Variants in GSE1 observed in about 807,000 individuals in gnomAD.
GSE1 encodes genetic suppressor element 1.
GSE1 carries 32 observed loss-of-function variants against 112.6 expected under a neutral mutation model. The ratio of observed to expected loss-of-function variants is 0.28; its 90% CI spans 0.21 to 0.38. The LOEUF (loss-of-function observed/expected upper bound fraction) is 0.38, where lower values mean the gene tolerates loss of function less well. Among genes scored for constraint, GSE1 ranks in the 10% least tolerant of loss-of-function variants. The probability of loss-of-function intolerance (pLI) is 1.00; values close to 1 mark genes in which losing one functional copy is unlikely to be tolerated. For missense variants in GSE1, 2,348 were observed against 1,699.2 expected (o/e 1.38, Z -6.71); for synonymous variants, 1,115 against 735.6 (o/e 1.52, Z -8.35).
At chr16:85,383,571 CTCT>C (rs1300150862) in intron 2 of GSE1, among the ~76,000 whole-genome samples, 9 of 142,440 alleles carry the variant, frequency 6.3e-5, no homozygotes, top group African/African-American at 2.4e-4. Context: ...CTCTCTCTCT[CTCT>C]GACACTCATA....
intron 2 of GSE1, among the ~76,000 whole-genome samples, chr16:85,432,611 C>T (rs1231048651): frequency 6.6e-6 from 1 of 152,178 alleles, no homozygotes; most frequent in African/African-American, 2.4e-5. Context: ...TATTTTATGC[C>T]ACCTTTGTGT....
At chr16:85,439,371 A>G (rs1013815387) in intron 2 of GSE1, among the ~76,000 whole-genome samples, 1 of 152,208 alleles carries the variant, frequency 6.6e-6, no homozygotes, top group African/African-American at 2.4e-5. Flanking sequence ...TGAGGCCTTG[A>G]TTCCTGCCAT....
At chr16:85,517,265 T>G (rs950427549) in intron 2 of GSE1, among the ~76,000 whole-genome samples, 2 of 152,006 alleles carry the variant, frequency 1.3e-5, no homozygotes, top group Non-Finnish European at 2.9e-5. Context: ...GGAGATGGGT[T>G]ACCTGAGGAC....
At chr16:85,187,214 C>T (rs1478060388) in intron 1 of GSE1, among the ~76,000 whole-genome samples, 1 of 152,218 alleles carries the variant, frequency 6.6e-6, no homozygotes, top group Admixed American at 6.5e-5. Flanking sequence ...TGATGGGATC[C>T]CTTGTGACTG....
chr16:85,404,003 C>T (rs1157172082), intron 2 of GSE1, among the ~76,000 whole-genome samples: 2 of 114,158 alleles, frequency 1.8e-5, no homozygotes, highest in African/African-American at 7.4e-5. Flanking sequence ...CTTCACCTCC[C>T]TCTCTGTGCC....
intron 2 of GSE1, among the ~76,000 whole-genome samples, chr16:85,362,068 C>T (rs1426170528): frequency 6.6e-6 from 1 of 152,150 alleles, no homozygotes; most frequent in African/African-American, 2.4e-5. Context: ...GAGTACAGCT[C>T]CAGGGCTGGG....
At chr16:85,627,842 G>T (rs942220869) in intron 1 of GSE1, among the ~76,000 whole-genome samples, 5 of 152,236 alleles carry the variant, frequency 3.3e-5, no homozygotes, top group Non-Finnish European at 7.3e-5. Context: ...GCAGGGGGGT[G>T]TGCTCTCCCA....
In GSE1 at chr16:85,487,559, C is replaced by T. The variant is rs559288900; in HGVS notation, c.2464+129916C>T. Among the ~76,000 whole-genome samples, 22 of 152,278 alleles carry T rather than the reference C, an allele frequency of 1.4e-4. 1 individual carries two copies. In the South Asian group the frequency reaches 3.3e-3, roughly 23 times the overall value. On this transcript the variant is annotated intron_variant, in intron 2 of 2. Transcript: ENST00000637419. ...CTGTGTTATAGATGGGAAACAGGCA[C>T]GGAGAGGCTAGGTGACCCGCCCAGG...
intron 2 of GSE1, among the ~76,000 whole-genome samples, chr16:85,493,203 C>A (rs1008189529): frequency 6.6e-6 from 1 of 152,214 alleles, no homozygotes; most frequent in Non-Finnish European, 1.5e-5. Flanking sequence ...AGGTTTAAGA[C>A]TCTGTATTAG....
At chr16:85,184,305 T>C (rs890531266) in intron 1 of GSE1, among the ~76,000 whole-genome samples, 3 of 152,254 alleles carry the variant, frequency 2.0e-5, no homozygotes, top group Admixed American at 2.0e-4. Context: ...TGGTGGCATC[T>C]TCTGATGTCT....
intron 1 of GSE1, among the ~76,000 whole-genome samples, chr16:85,336,044 C>G (rs2046476154): frequency 6.6e-6 from 1 of 152,144 alleles, no homozygotes; most frequent in Non-Finnish European, 1.5e-5. Flanking sequence ...ACCCTAGTGT[C>G]TCCGAGATAT....
intron 1 of GSE1, among the ~76,000 whole-genome samples, chr16:85,337,369 G>A (rs868102599): frequency 0.024 from 2,507 of 106,260 alleles, 58 homozygotes; most frequent in African/African-American, 0.083. Context: ...GCAGTGGCGC[G>A]ATCTCGGCTC....
In GSE1 at chr16:85,675,196, A is replaced by G. The variant is rs1227810320; in HGVS notation, c.*2657A>G. ...AGCTACTTCACACTGAGTACCTCAA[A>G]TCTGCTCTGGAGTCGATTATGCCAC... On this transcript the variant is annotated 3_prime_UTR_variant, in exon 16 of 16. Transcript: ENST00000253458. 1.3e-5 allele frequency: 2 copies of G among 152,178 alleles called. No homozygotes were observed. The highest frequency in any genetic ancestry group is 4.8e-5 in the African/African-American group (2 of 41,438). The allele number at this position is 152,178 out of a possible 1,614,324, so 9.4% of individuals were successfully genotyped here. A position where few individuals can be genotyped will look rare whatever the true frequency, so the allele number is the denominator to read the frequency against.
rs537296409 is a variant in GSE1, at chr16:85,464,244, G to T, written c.2464+106601G>T. The stretch of plus-strand genomic sequence containing the variant: ...GTCATTTGTGGAGAGGTCGCGAACG[G>T]TTGATGATTATAGTCCAGTGGGTAG... On this transcript the variant is annotated intron_variant, in intron 2 of 2. Transcript: ENST00000637419. Among the ~76,000 whole-genome samples the T allele has an allele frequency of 5.3e-5, 8 of 152,136 alleles. 1 individual carries two copies. In the East Asian group the frequency reaches 1.5e-3, roughly 29 times the overall value.
intron 1 of GSE1, among the ~76,000 whole-genome samples, chr16:85,629,132 C>G (rs1027046430): frequency 1.3e-5 from 2 of 152,228 alleles, no homozygotes; most frequent in African/African-American, 4.8e-5. Context: ...TAGAAGCCTC[C>G]TGAGGCCTCC....
chr16:85,542,502 G>A (rs1039959686), intron 2 of GSE1, among the ~76,000 whole-genome samples: 1 of 152,176 alleles, frequency 6.6e-6, no homozygotes, highest in South Asian at 2.1e-4. Flanking sequence ...GGTGTGTCTC[G>A]CTCTGCCCAG....
rs1485111580 is a variant in GSE1 at position 85,671,470 on chromosome 16, G to T, written c.3519+372G>T. Among the ~76,000 whole-genome samples the T allele has an allele frequency of 2.3e-5, 3 of 130,400 alleles. 1 individual carries two copies. In the East Asian group the frequency reaches 7.2e-4, roughly 31 times the overall value. 85.5% of individuals were successfully genotyped at this position (130,400 alleles called of 152,430 possible). On this transcript the variant is annotated intron_variant, in intron 15 of 15. Transcript: ENST00000253458. Reference sequence around the variant, plus strand: ...AAAAAAAAAAAAAGATCAAAATTTGGACTGCATGCAATGGCTTACACCTGT... The same window carrying T: ...AAAAAAAAAAAAAGATCAAAATTTGTACTGCATGCAATGGCTTACACCTGT...
chr16:85,174,369 C>T (rs974108048), intron 1 of GSE1, among the ~76,000 whole-genome samples: 24 of 152,318 alleles, frequency 1.6e-4, no homozygotes, highest in Non-Finnish European at 2.4e-4. Flanking sequence ...GTGGTGAGGC[C>T]GCTGGGGCAG....
At chr16:85,573,798 G>A (rs1208731664) in intron 1 of GSE1, among the ~76,000 whole-genome samples, 1 of 152,226 alleles carries the variant, frequency 6.6e-6, no homozygotes, top group Admixed American at 6.5e-5. Flanking sequence ...CCTCAGATTG[G>A]AGTTATTGTG....
Sources: gnomAD v4.1 joint callset for allele counts (sites outside exome capture counted in the v4.1 genomes callset) on GRCh38, gnomAD v4.1.1 for gene constraint, MANE v1.5 for transcripts, NCBI Gene and HGNC (gene_info 2026-07-23, HGNC 2026-07-21) for gene names.